YIPF1: variants seen among roughly 807,000 people sequenced by gnomAD.
The protein encoded by YIPF1 is Yip1 domain family member 1.
A neutral mutation model predicts 37.0 loss-of-function variants in YIPF1; 22 were observed. The observed-to-expected ratio is 0.59, with a 90% CI of 0.42 to 0.85. The LOEUF is 0.85. YIPF1 is among the 40% of genes least tolerant of loss of function. The pLI, the probability that YIPF1 is intolerant of heterozygous loss-of-function variation, is 0.00. For missense variants in YIPF1, 355 were observed against 373.1 expected (o/e 0.95, Z 0.40); for synonymous variants, 128 against 131.9 (o/e 0.97, Z 0.21).
chr1:53,870,169 T>C (rs1291900728), intron 7 of YIPF1, among the ~76,000 whole-genome samples: 42,373 of 111,826 alleles, frequency 0.38, 8,901 homozygotes, highest in East Asian at 0.54. Flanking sequence ...TCTTTTTTTT[T>C]TTTTTTTTTT....
At chr1:53,859,327 A>C (rs1649804593) in intron 10 of YIPF1, among the ~76,000 whole-genome samples, 1 of 152,212 alleles carries the variant, frequency 6.6e-6, no homozygotes, top group Non-Finnish European at 1.5e-5. Context: ...CATGAGAGTG[A>C]TACTTAATAC....
chr1:53,870,898 G>C (rs1467804953), intron 7 of YIPF1, among the ~76,000 whole-genome samples: 4 of 151,204 alleles, frequency 2.6e-5, no homozygotes, highest in Admixed American at 6.6e-5. Flanking sequence ...TATGGTCCCA[G>C]CTACTCAGGA....
intron 10 of YIPF1, among the ~76,000 whole-genome samples, chr1:53,854,372 C>G (rs986717150): frequency 1.3e-5 from 2 of 152,234 alleles, no homozygotes; most frequent in Admixed American, 6.5e-5. Context: ...TGCTGTTGCC[C>G]TTTGTGCCAA....
At chr1:53,871,609 G>T in intron 6 of YIPF1, 121 bp from the exon 7 acceptor site, 1 of 839,204 alleles carries the variant, frequency 1.2e-6, no homozygotes, top group East Asian at 2.6e-5. Context: ...TTTTCTAGAT[G>T]GGATCAACAC....
At chr1:53,874,289 C>T (rs1650276801) in intron 6 of YIPF1, among the ~76,000 whole-genome samples, 1 of 152,158 alleles carries the variant, frequency 6.6e-6, no homozygotes, top group Non-Finnish European at 1.5e-5. Context: ...CTTCATACTG[C>T]CTTCTCCGTT....
At chr1:53,866,466 G>A in intron 8 of YIPF1, 84 bp from the exon 9 acceptor site, 1 of 1,444,920 alleles carries the variant, frequency 6.9e-7, no homozygotes, top group East Asian at 2.3e-5. Flanking sequence ...AGGCCCCTGA[G>A]CCAATCAGCA....
intron 3 of YIPF1, among the ~76,000 whole-genome samples, chr1:53,884,742 T>C (rs997840193): frequency 3.3e-5 from 5 of 152,242 alleles, no homozygotes; most frequent in Middle Eastern, 3.2e-3. Context: ...CCAGCAGTGA[T>C]TGAGACTTCC....
intron 7 of YIPF1, among the ~76,000 whole-genome samples, chr1:53,868,044 C>G (rs981085205): frequency 6.6e-6 from 1 of 152,196 alleles, no homozygotes; most frequent in Non-Finnish European, 1.5e-5. Flanking sequence ...TTGGCAAGAA[C>G]AAAGACACCC....
At chr1:53,869,108 AGAAG>A (rs772841099) in intron 7 of YIPF1, among the ~76,000 whole-genome samples, 40 of 151,778 alleles carry the variant, frequency 2.6e-4, no homozygotes, top group Non-Finnish European at 3.7e-4. Flanking sequence ...GGGGAAGAAA[AGAAG>A]GAAGGATACA....
At chr1:53,852,978 A>G (rs1649633157) in intron 10 of YIPF1, among the ~76,000 whole-genome samples, 1 of 152,232 alleles carries the variant, frequency 6.6e-6, no homozygotes. Context: ...TGGTAACAAC[A>G]GGACAGAGAT....
chr1:53,875,205 G>A (rs1650302588), intron 6 of YIPF1, among the ~76,000 whole-genome samples: 1 of 152,138 alleles, frequency 6.6e-6, no homozygotes, highest in African/African-American at 2.4e-5. Flanking sequence ...CAATGTTCAT[G>A]AAATCTGACT....
intron 3 of YIPF1, among the ~76,000 whole-genome samples, chr1:53,884,526 T>C (rs1205310663): frequency 6.6e-6 from 1 of 152,240 alleles, no homozygotes; most frequent in Non-Finnish European, 1.5e-5. Flanking sequence ...AAATGATCAC[T>C]TATGTGACTG....
intron 4 of YIPF1, among the ~76,000 whole-genome samples, chr1:53,879,219 C>T (rs1557609542): frequency 6.6e-6 from 1 of 151,974 alleles, no homozygotes; most frequent in East Asian, 1.9e-4. Context: ...CTCAGCTTCC[C>T]AAGCAGCTGG....
chr1:53,879,423 C>T (rs1010933998), intron 4 of YIPF1, among the ~76,000 whole-genome samples: 2 of 152,036 alleles, frequency 1.3e-5, no homozygotes, highest in African/African-American at 2.4e-5. Context: ...CCCCATCCAT[C>T]CACAATCCTC....
intron 10 of YIPF1, 143 bp from the exon 11 acceptor site, chr1:53,852,413 A>T (rs1649619424): frequency 6.6e-6 from 1 of 152,114 alleles, no homozygotes; most frequent in Non-Finnish European, 1.5e-5. Flanking sequence ...CAATTCCCTA[A>T]ATCTTGAGGC....
At chr1:53,859,010 A>G (rs575883636) in intron 10 of YIPF1, among the ~76,000 whole-genome samples, 7 of 152,320 alleles carry the variant, frequency 4.6e-5, no homozygotes, top group Admixed American at 4.6e-4. Flanking sequence ...GGGAGAGAGC[A>G]GCTTGGACAG....
intron 10 of YIPF1, among the ~76,000 whole-genome samples, chr1:53,852,839 A>G (rs1293910812): frequency 6.6e-6 from 1 of 152,202 alleles, no homozygotes; most frequent in Non-Finnish European, 1.5e-5. Flanking sequence ...GGTCAGAATT[A>G]TAAATTTTCA....
Position 53,888,950 on chromosome 1 carries a change from T to C in YIPF1, c.-13A>G, listed in dbSNP as rs773812267. On this transcript the variant is annotated 5_prime_UTR_variant, in exon 3 of 11. Coordinates refer to ENST00000072644, the MANE Select transcript of YIPF1 (RefSeq NM_018982.5). ...CTACTGCTGCCATTCGGCCAGTGAGTCTTCTCCCAATTATGAGGAAGAAAA... is the reference window on the plus strand; with the variant it reads ...CTACTGCTGCCATTCGGCCAGTGAGCCTTCTCCCAATTATGAGGAAGAAAA... The C allele has an allele frequency of 2.5e-6, 4 of 1,596,362 alleles. No homozygotes were observed. The South Asian group carries it at 3.3e-5, about 13-fold the overall frequency.
At chr1:53,862,907 G>A (rs1481581855) in intron 9 of YIPF1, among the ~76,000 whole-genome samples, 2 of 152,186 alleles carry the variant, frequency 1.3e-5, no homozygotes, top group Non-Finnish European at 2.9e-5. Flanking sequence ...GTGGAGCTAG[G>A]ACTGGAACCC....
Sources: gnomAD v4.1 joint callset for allele counts (sites outside exome capture counted in the v4.1 genomes callset) on GRCh38, gnomAD v4.1.1 for gene constraint, MANE v1.5 for transcripts, NCBI Gene and HGNC (gene_info 2026-07-23, HGNC 2026-07-21) for gene names.